Variants in GOLGA4 observed in about 807,000 individuals in gnomAD.
GOLGA4 encodes the protein golgin subfamily A member 4.
In GOLGA4, 169 loss-of-function variants were observed where a neutral mutation model predicts 265.9. The ratio of observed to expected loss-of-function variants is 0.64; its 90% confidence interval spans 0.56 to 0.72. The LOEUF (loss-of-function observed/expected upper bound fraction) is 0.72, where lower values mean the gene tolerates loss of function less well. GOLGA4 is among the 30% of genes least tolerant of loss of function. The pLI is 0.00. For synonymous variants in GOLGA4, 923 were observed against 855.8 expected, an observed-to-expected ratio of 1.08 and a Z score of -1.37; for missense variants, 2,482 against 2,483.4, an observed-to-expected ratio of 1.00 and a Z score of 0.01.
intron 1 of GOLGA4, 137 bp downstream of exon 1, chr3:37,243,759 C>T (rs1191087639): frequency 2.5e-5 from 17 of 679,586 alleles, no homozygotes; most frequent in Non-Finnish European, 4.0e-5. Context: ...ACTCCGGACC[C>T]AGAAGGAGCT....
At chr3:37,299,145 T>A in intron 8 of GOLGA4, 125 bp downstream of exon 8, 1 of 935,380 alleles carries the variant, frequency 1.1e-6, no homozygotes. Flanking sequence ...TGCCCTGGCC[T>A]ACATAACACC....
intron 23 of GOLGA4, among the ~76,000 whole-genome samples, chr3:37,364,956 G>A (rs1696633694): frequency 1.3e-5 from 2 of 151,164 alleles, no homozygotes; most frequent in African/African-American, 4.9e-5. Flanking sequence ...GGAGTGCAGT[G>A]GTACAGTCAG....
At chr3:37,306,460 T>C (rs2096906355) in intron 10 of GOLGA4, among the ~76,000 whole-genome samples, 1 of 151,730 alleles carries the variant, frequency 6.6e-6, no homozygotes, top group Non-Finnish European at 1.5e-5. Context: ...CAGTGTAGAA[T>C]GTTAATGCTA....
intron 21 of GOLGA4, among the ~76,000 whole-genome samples, chr3:37,351,633 G>A (rs754646334): frequency 7.2e-5 from 11 of 152,146 alleles, no homozygotes; most frequent in Admixed American, 2.0e-4. Context: ...CAAAATGGAT[G>A]TTGTGTTAGG....
intron 1 of GOLGA4, chr3:37,244,013 T>C (rs2096711081): frequency 5.0e-6 from 1 of 202,000 alleles, no homozygotes; most frequent in South Asian, 9.0e-5. Context: ...CCTTGTGATA[T>C]CTGACCTCTG....
At chr3:37,273,332 A>G (rs1000565308) in intron 2 of GOLGA4, among the ~76,000 whole-genome samples, 1 of 152,230 alleles carries the variant, frequency 6.6e-6, no homozygotes, top group Admixed American at 6.5e-5. Context: ...TCTGTGTATT[A>G]CAGCAAAATG....
At chr3:37,338,756 G>C (rs953702743) in intron 19 of GOLGA4, among the ~76,000 whole-genome samples, 2 of 151,542 alleles carry the variant, frequency 1.3e-5, no homozygotes, top group Admixed American at 1.3e-4. Context: ...CCTCCTCCCC[G>C]TAACACCTAG....
intron 10 of GOLGA4, among the ~76,000 whole-genome samples, chr3:37,311,349 A>G (rs2096922734): frequency 6.6e-6 from 1 of 152,232 alleles, no homozygotes; most frequent in Non-Finnish European, 1.5e-5. Context: ...GGAGGCAGAA[A>G]GCAGTGAGTT....
chr3:37,276,399 T>G, intron 2 of GOLGA4: 1 of 1,607,904 alleles, frequency 6.2e-7, no homozygotes, highest in Non-Finnish European at 8.5e-7. Context: ...CTGAAAGAGA[T>G]GTGGAAAAAC....
At chr3:37,330,506 T>A (rs1559445186) in intron 16 of GOLGA4, among the ~76,000 whole-genome samples, 1 of 152,090 alleles carries the variant, frequency 6.6e-6, no homozygotes, top group Non-Finnish European at 1.5e-5. Flanking sequence ...TGACAGACCT[T>A]TTAGGTAGAA....
intron 2 of GOLGA4, among the ~76,000 whole-genome samples, chr3:37,269,236 C>A (rs778765852): frequency 4.8e-4 from 73 of 152,234 alleles, no homozygotes; most frequent in Middle Eastern, 3.4e-3. Context: ...TCTACAGGCA[C>A]CTCGCTAGGG....
chr3:37,361,321 T>C lies in GOLGA4; in HGVS notation c.*33+16T>C, dbSNP rs751664219. On this transcript the variant is annotated intron_variant, in intron 23 of 23. Coordinates refer to ENST00000361924, the MANE Select transcript of GOLGA4 (RefSeq NM_002078.5). ...TTAACATGTGGTGAGTGAAGAACAA[T>C]GTCTTGTGTCTTTTGTGCAAAAATC... 1 of 1,584,084 alleles carries C rather than the reference T, an allele frequency of 6.3e-7. No individual in the cohort carries two copies. The highest frequency in any genetic ancestry group is 8.7e-7 in the Non-Finnish European group (1 of 1,153,490).
At chr3:37,280,399 A>C (rs2096831621) in intron 2 of GOLGA4, among the ~76,000 whole-genome samples, 1 of 152,232 alleles carries the variant, frequency 6.6e-6, no homozygotes. Flanking sequence ...ATGGTGAAAA[A>C]TATGATATAA....
Position 37,324,215 on chromosome 3 carries a change from G to T in GOLGA4, c.2329G>T (p.Ala777Ser), listed in dbSNP as rs2096963229. 5 of 1,614,044 alleles carry T rather than the reference G, an allele frequency of 3.1e-6. No individual in the cohort carries two copies. The highest frequency in any genetic ancestry group is 4.2e-6 in the Non-Finnish European group (5 of 1,180,040). The change falls in exon 14 of 24, where the codon GCT becomes TCT. Residue 777 changes from alanine to serine, a missense_variant. By Grantham distance (99) the Ala-to-Ser change is moderately conservative. Transcript: ENST00000361924. ...GGACAAGCATTTGAAAGAGCATCAG[G>T]CTCATGTAGAAAATTTAGAGGCAGA... Reference protein sequence around the residue: ...ERDKHLKEHQAHVENLEADIK... With the variant: ...ERDKHLKEHQSHVENLEADIK...
chr3:37,334,246 A>G (rs765055552), intron 16 of GOLGA4, among the ~76,000 whole-genome samples: 28 of 152,232 alleles, frequency 1.8e-4, no homozygotes, highest in Non-Finnish European at 1.5e-4. Context: ...GCCAAATTTT[A>G]TAAGTAGGAA....
At chr3:37,318,422 C>T (rs924776313) in intron 11 of GOLGA4, among the ~76,000 whole-genome samples, 1 of 152,056 alleles carries the variant, frequency 6.6e-6, no homozygotes, top group Non-Finnish European at 1.5e-5. Context: ...CTGTGCTGTT[C>T]TATTGCTTTG....
chr3:37,352,927 T>C (rs764844442), intron 21 of GOLGA4, among the ~76,000 whole-genome samples: 3 of 152,116 alleles, frequency 2.0e-5, no homozygotes, highest in Non-Finnish European at 4.4e-5. Flanking sequence ...CTAAACTTAA[T>C]TGTTTCTATC....
chr3:37,276,158 G>C, intron 2 of GOLGA4: 1 of 1,602,344 alleles, frequency 6.2e-7, no homozygotes, highest in Non-Finnish European at 8.5e-7. Flanking sequence ...TCGAACAGGG[G>C]ATGACTACAT....
At chr3:37,271,910 A>G (rs1420312908) in intron 2 of GOLGA4, among the ~76,000 whole-genome samples, 1 of 152,084 alleles carries the variant, frequency 6.6e-6, no homozygotes, top group Non-Finnish European at 1.5e-5. Flanking sequence ...GTGACATTAG[A>G]TTGTCATAGG....
Sources: gnomAD v4.1 joint callset for allele counts (sites outside exome capture counted in the v4.1 genomes callset) on GRCh38, gnomAD v4.1.1 for gene constraint, MANE v1.5 for transcripts, NCBI Gene and HGNC (gene_info 2026-07-23, HGNC 2026-07-21) for gene names.